Variants in TPRG1 observed in about 807,000 individuals in gnomAD.
The protein encoded by TPRG1 is tumor protein p63 regulated 1.
Under a neutral mutation model 29.3 loss-of-function variants are expected in TPRG1, and 29 were observed. The ratio of observed to expected loss-of-function variants is 0.99; its 90% CI spans 0.74 to 1.35. The LOEUF is 1.35. Among genes scored for constraint, TPRG1 ranks in the 40% most tolerant of loss-of-function variants. The pLI is 0.00. For missense variants in TPRG1, 327 were observed against 335.0 expected (o/e 0.98, Z 0.19); for synonymous variants, 130 against 116.8 (o/e 1.11, Z -0.73).
intron 1 of TPRG1, among the ~76,000 whole-genome samples, chr3:189,186,594 T>C (rs1730952066): frequency 6.6e-6 from 1 of 152,172 alleles, no homozygotes; most frequent in African/African-American, 2.4e-5. Context: ...TCTTTTAGTC[T>C]TATTGATTTG....
chr3:189,023,233 C>T (rs905914531), intron 3 of TPRG1, among the ~76,000 whole-genome samples: 4 of 152,288 alleles, frequency 2.6e-5, no homozygotes, highest in East Asian at 1.9e-4. Flanking sequence ...TGTTCCTATT[C>T]GGCCATCTTG....
intron 4 of TPRG1, among the ~76,000 whole-genome samples, chr3:189,284,607 T>C (rs1219743687): frequency 6.6e-6 from 1 of 152,084 alleles, no homozygotes; most frequent in Non-Finnish European, 1.5e-5. Flanking sequence ...TGTATCATTG[T>C]TGGACATTTG....
chr3:189,239,404 G>C (rs558061584), intron 4 of TPRG1, among the ~76,000 whole-genome samples: 79 of 152,288 alleles, frequency 5.2e-4, no homozygotes, highest in African/African-American at 1.9e-3. Context: ...AATTCTGGGA[G>C]ATACAATTCA....
intron 4 of TPRG1, among the ~76,000 whole-genome samples, chr3:189,257,595 T>C (rs1712137706): frequency 6.6e-6 from 1 of 152,172 alleles, no homozygotes; most frequent in African/African-American, 2.4e-5. Flanking sequence ...TATCCTGAAG[T>C]ATGTTTTTCA....
At chr3:189,298,906 C>T (rs1720377349) in intron 4 of TPRG1, among the ~76,000 whole-genome samples, 1 of 152,174 alleles carries the variant, frequency 6.6e-6, no homozygotes, top group Non-Finnish European at 1.5e-5. Flanking sequence ...ACCCACCACC[C>T]TCTCGGGCAG....
At chr3:189,074,557 T>G (rs986466873) in intron 4 of TPRG1, among the ~76,000 whole-genome samples, 8 of 152,110 alleles carry the variant, frequency 5.3e-5, no homozygotes, top group Non-Finnish European at 8.8e-5. Flanking sequence ...TCATATTAGA[T>G]GTAGGTTAGA....
At chr3:189,125,965 T>C (rs1578441815) in intron 1 of TPRG1, among the ~76,000 whole-genome samples, 1 of 152,098 alleles carries the variant, frequency 6.6e-6, no homozygotes, top group South Asian at 2.1e-4. Flanking sequence ...TCCATCTTTA[T>C]TGTCTCATAT....
intron 1 of TPRG1, among the ~76,000 whole-genome samples, chr3:189,107,838 C>G (rs1223606514): frequency 2.6e-5 from 4 of 151,958 alleles, no homozygotes; most frequent in African/African-American, 9.7e-5. Context: ...TTATTTTTAT[C>G]TCTCTATGGA....
chr3:189,288,649 G>A (rs1176460994), intron 4 of TPRG1, among the ~76,000 whole-genome samples: 2 of 152,206 alleles, frequency 1.3e-5, no homozygotes, highest in African/African-American at 2.4e-5. Context: ...CCTCAGTGGG[G>A]TCAAAGGCTT....
chr3:189,311,107 A>G (rs1201870028), intron 5 of TPRG1, among the ~76,000 whole-genome samples: 8 of 152,168 alleles, frequency 5.3e-5, no homozygotes, highest in African/African-American at 1.7e-4. Context: ...CAGATATTAG[A>G]CTTATTTCTA....
chr3:189,231,720 G>C (rs1200142861), intron 3 of TPRG1, among the ~76,000 whole-genome samples: 1 of 152,106 alleles, frequency 6.6e-6, no homozygotes, highest in African/African-American at 2.4e-5. Context: ...CCCCAGACCT[G>C]TGTGATAGAA....
intron 1 of TPRG1, among the ~76,000 whole-genome samples, chr3:189,175,629 CAG>C (rs1218383873): frequency 6.6e-6 from 1 of 151,626 alleles, no homozygotes; most frequent in African/African-American, 2.4e-5. Context: ...TCAGAAGTAA[CAG>C]AAAAAAAAGA....
intron 4 of TPRG1, among the ~76,000 whole-genome samples, chr3:189,239,133 C>T (rs1421416879): frequency 6.6e-6 from 1 of 152,160 alleles, no homozygotes; most frequent in African/African-American, 2.4e-5. Flanking sequence ...CTCATAAAGA[C>T]ATACCCCAAA....
intron 3 of TPRG1, among the ~76,000 whole-genome samples, chr3:189,226,630 G>T (rs1388254289): frequency 4.6e-5 from 7 of 151,222 alleles, no homozygotes; most frequent in African/African-American, 1.7e-4. Flanking sequence ...AAAAAGAAGA[G>T]CAAAGAAATG....
At position 189,152,705 on chromosome 3, in the gene TPRG1, C is replaced by G. The variant is rs546735280; in HGVS notation, c.-10+1833C>G. ...TTATTATTAAAAAGTAGGATTGCTA[C>G]CCAACATTATTATTAAAAAGTAGGA... On this transcript the variant is annotated intron_variant, in intron 5 of 6. Coordinates refer to the TPRG1 transcript ENST00000412373. Among the ~76,000 whole-genome samples the G allele has an allele frequency of 1.7e-3, 259 of 150,542 alleles. 1 individual carries two copies. The highest frequency in any genetic ancestry group is 2.4e-3 in the Non-Finnish European group (165 of 67,722).
chr3:189,201,813 G>A (rs967760961), intron 1 of TPRG1, among the ~76,000 whole-genome samples: 1 of 151,980 alleles, frequency 6.6e-6, no homozygotes, highest in African/African-American at 2.4e-5. Flanking sequence ...ACCACGCCTG[G>A]CTAATTTTTG....
intron 3 of TPRG1, among the ~76,000 whole-genome samples, chr3:189,235,111 A>G (rs1205909587): frequency 6.6e-6 from 1 of 151,978 alleles, no homozygotes; most frequent in Non-Finnish European, 1.5e-5. Flanking sequence ...GTAGAGCTTG[A>G]CCCTGCAGAA....
At chr3:189,204,469 A>C (rs1429691225) in intron 1 of TPRG1, among the ~76,000 whole-genome samples, 1 of 152,154 alleles carries the variant, frequency 6.6e-6, no homozygotes, top group Non-Finnish European at 1.5e-5. Context: ...TGTGACTGGA[A>C]CAGAGCTGGA....
intron 3 of TPRG1, among the ~76,000 whole-genome samples, chr3:189,009,344 G>T (rs1712473065): frequency 6.6e-6 from 1 of 152,072 alleles, no homozygotes; most frequent in Non-Finnish European, 1.5e-5. Context: ...TGACTGGTCT[G>T]AGGGAAAGGA....
Sources: allele counts gnomAD v4.1 joint callset (sites outside exome capture counted in the v4.1 genomes callset), GRCh38; gene constraint gnomAD v4.1.1; transcripts MANE v1.5; gene names NCBI Gene and HGNC (gene_info 2026-07-23, HGNC 2026-07-21).